TCF4: variants seen among roughly 807,000 people sequenced by gnomAD.
The protein encoded by TCF4 is SL3-3 enhancer factor 2.
TCF4 carries 3 observed loss-of-function variants against 82.1 expected under a neutral mutation model. That is an observed-to-expected ratio of 0.04 (90% CI 0.02 to 0.09). The LOEUF is 0.09. TCF4 is among the 10% of genes least tolerant of loss of function. The pLI, the probability that TCF4 is intolerant of heterozygous loss-of-function variation, is 1.00. For missense variants in TCF4, 518 were observed against 852.7 expected, an observed-to-expected ratio of 0.61 and a Z score of 4.89; for synonymous variants, 276 against 309.6, an observed-to-expected ratio of 0.89 and a Z score of 1.14.
intron 8 of TCF4, among the ~76,000 whole-genome samples, chr18:55,336,342 A>C (rs1246470502): frequency 6.6e-6 from 1 of 152,010 alleles, no homozygotes; most frequent in African/African-American, 2.4e-5. Flanking sequence ...GAAATATTTC[A>C]ATTTTTTTCA....
chr18:55,472,377 G>A (rs575339436), intron 3 of TCF4, among the ~76,000 whole-genome samples: 2 of 152,156 alleles, frequency 1.3e-5, no homozygotes, highest in Non-Finnish European at 2.9e-5. Context: ...ATATTTGGAG[G>A]TGTCAACGAT....
intron 6 of TCF4, among the ~76,000 whole-genome samples, chr18:55,355,057 T>A (rs770705580): frequency 7.2e-5 from 11 of 152,160 alleles, no homozygotes; most frequent in Non-Finnish European, 1.5e-4. Context: ...GTTTGGGTAT[T>A]CTAGTACTCA....
intron 3 of TCF4, among the ~76,000 whole-genome samples, chr18:55,518,250 C>G (rs2096901680): frequency 1.3e-5 from 2 of 152,008 alleles, no homozygotes; most frequent in African/African-American, 4.8e-5. Context: ...ATATTTATAG[C>G]TAATATGAAT....
rs1211849895 is a variant in TCF4, at chr18:55,403,860, C to T, written c.305-342G>A. 7.5e-6 allele frequency: 11 copies of T among 1,469,240 alleles called. No individual in the cohort carries two copies. The Admixed American group carries it at 1.2e-4, about 16-fold the overall frequency. 91.0% of individuals were successfully genotyped at this position (1,469,240 alleles called of 1,614,324 possible). ...ATTTCATTTTTATTTACACAGCAGG[C>T]AAATTATCTATGTAATGACCCTAGC... On this transcript the variant is annotated intron_variant, in intron 5 of 19. Coordinates refer to ENST00000354452, the MANE Select transcript of TCF4 (RefSeq NM_001083962.2).
intron 8 of TCF4, among the ~76,000 whole-genome samples, chr18:55,323,759 C>G (rs2076101864): frequency 6.6e-6 from 1 of 152,160 alleles, no homozygotes; most frequent in African/African-American, 2.4e-5. Context: ...AGAAAAGAGG[C>G]TGGAATTTAA....
Position 55,351,013 on chromosome 18 carries a change from TA to T in TCF4, c.370-11del. The T allele has an allele frequency of 1.2e-6, 2 of 1,613,000 alleles. No homozygotes were observed. The highest frequency in any genetic ancestry group is 1.7e-6 in the Non-Finnish European group (2 of 1,179,236). ...CTCCAAGGAGACTCTGCTAAAAGGT[TA>T]AAAAGGGAAAACAAACATATAAGGT... On this transcript the variant is annotated splice_polypyrimidine_tract_variant and intron_variant, in intron 6 of 19. Coordinates refer to ENST00000354452, the MANE Select transcript of TCF4 (RefSeq NM_001083962.2).
intron 6 of TCF4, among the ~76,000 whole-genome samples, chr18:55,399,679 C>G (rs2093684557): frequency 1.3e-5 from 2 of 152,014 alleles, no homozygotes; most frequent in African/African-American, 4.8e-5. Context: ...ATGTTGAACA[C>G]AAGTCATTAA....
At chr18:55,516,576 C>T (rs1314206411) in intron 3 of TCF4, among the ~76,000 whole-genome samples, 2 of 152,044 alleles carry the variant, frequency 1.3e-5, no homozygotes, top group African/African-American at 4.8e-5. Flanking sequence ...AAGTAGGAAA[C>T]ACGATGGTGA....
intron 11 of TCF4, chr18:55,269,510 G>A: frequency 2.6e-6 from 1 of 379,770 alleles, no homozygotes; most frequent in Non-Finnish European, 5.1e-6. Flanking sequence ...TAGCTCACTA[G>A]TCACTGATGG....
At chr18:55,385,452 G>C (rs932889465) in intron 6 of TCF4, among the ~76,000 whole-genome samples, 1 of 152,090 alleles carries the variant, frequency 6.6e-6, no homozygotes, top group Non-Finnish European at 1.5e-5. Flanking sequence ...ACCCAGGCTG[G>C]AGTGCAATGC....
intron 15 of TCF4, among the ~76,000 whole-genome samples, chr18:55,250,790 G>A (rs1277095971): frequency 6.6e-6 from 1 of 152,128 alleles, no homozygotes; most frequent in Non-Finnish European, 1.5e-5. Flanking sequence ...TGTGAGACTC[G>A]AGGAATTTAC....
intron 5 of TCF4, among the ~76,000 whole-genome samples, chr18:55,427,124 A>C (rs917854113): frequency 2.0e-5 from 3 of 152,060 alleles, no homozygotes; most frequent in Admixed American, 6.6e-5. Flanking sequence ...AGCATCAAAA[A>C]CCCCAAATCC....
intron 13 of TCF4, among the ~76,000 whole-genome samples, chr18:55,258,351 A>G (rs1318916829): frequency 6.6e-6 from 1 of 152,132 alleles, no homozygotes; most frequent in Non-Finnish European, 1.5e-5. Context: ...CATTACCAAG[A>G]CCCAAAAAGT....
At chr18:55,367,248 G>C (rs1336168340) in intron 6 of TCF4, among the ~76,000 whole-genome samples, 2 of 152,158 alleles carry the variant, frequency 1.3e-5, no homozygotes, top group Non-Finnish European at 2.9e-5. Flanking sequence ...ATGTGTATGC[G>C]AGTGTGTGTA....
chr18:55,459,422 A>G (rs1214131042), intron 5 of TCF4, among the ~76,000 whole-genome samples: 1 of 152,202 alleles, frequency 6.6e-6, no homozygotes, highest in Non-Finnish European at 1.5e-5. Flanking sequence ...TTTCACATAG[A>G]TAACATAAGC....
At chr18:55,401,690 C>T (rs541611260) in intron 6 of TCF4, 7 of 986,444 alleles carry the variant, frequency 7.1e-6, no homozygotes, top group South Asian at 4.7e-5. Context: ...CAGACTCACA[C>T]GGTCTGGATG....
At chr18:55,565,086 A>G (rs2097391765) in intron 3 of TCF4, among the ~76,000 whole-genome samples, 1 of 152,222 alleles carries the variant, frequency 6.6e-6, no homozygotes, top group Admixed American at 6.5e-5. Context: ...TGCAGAATCT[A>G]GAAGCACAGA....
At chr18:55,250,201 TG>T (rs1460058744) in intron 15 of TCF4, among the ~76,000 whole-genome samples, 1 of 152,152 alleles carries the variant, frequency 6.6e-6, no homozygotes, top group African/African-American at 2.4e-5. Flanking sequence ...TCAAGGACCC[TG>T]GTAGGGAGAG....
At chr18:55,635,022 CATG>C (rs2097734915) in intron 1 of TCF4, among the ~76,000 whole-genome samples, 1 of 152,138 alleles carries the variant, frequency 6.6e-6, no homozygotes, top group South Asian at 2.1e-4. Flanking sequence ...AGAAAAAACA[CATG>C]AGAGTGGTTA....
Sources: gnomAD v4.1 joint callset for allele counts (sites outside exome capture counted in the v4.1 genomes callset) on GRCh38, gnomAD v4.1.1 for gene constraint, MANE v1.5 for transcripts, NCBI Gene and HGNC (gene_info 2026-07-23, HGNC 2026-07-21) for gene names.